The following PRKDC variants were observed in gnomAD, a reference collection of about 807,000 sequenced individuals.
PRKDC encodes the protein protein kinase, DNA-activated, catalytic subunit, also known as DNA-dependent protein kinase catalytic subunit.
PRKDC carries 82 observed loss-of-function variants against 486.9 expected under a neutral mutation model. The observed-to-expected ratio is 0.17, with a 90% CI of 0.14 to 0.20. The LOEUF (loss-of-function observed/expected upper bound fraction) is 0.20, where lower values mean the gene tolerates loss of function less well. Ranked by LOEUF, PRKDC falls within the 10% of genes least tolerant of loss-of-function variation. PRKDC has a pLI of 1.00. For missense variants in PRKDC, 4,504 were observed against 5,038.2 expected, an observed-to-expected ratio of 0.89 and a Z score of 3.21; for synonymous variants, 1,895 against 1,837.0, an observed-to-expected ratio of 1.03 and a Z score of -0.81.
chr8:47,849,223 C>G lies in PRKDC; in HGVS notation c.7211G>C (p.Arg2404Pro). The G allele has an allele frequency of 1.2e-6, 2 of 1,614,010 alleles. No individual in the cohort carries two copies. Among genetic ancestry groups the G allele is most frequent in the Non-Finnish European group, 1.7e-6 (2 of 1,179,904 alleles). Residue 2404 changes from arginine to proline, a missense_variant, in exon 54 of 86, where the codon CGT (arginine) becomes CCT (proline). By Grantham distance (103) the Arg-to-Pro change is moderately radical. Coordinates refer to ENST00000314191, the MANE Select transcript of PRKDC (RefSeq NM_006904.7). ...KTLCLEVVLCRVEGMTELYFQ... is the reference protein window; with the variant it reads ...KTLCLEVVLCPVEGMTELYFQ... ...GTACAGCTCTGTCATTCCCTCCACACGACAAAGTACCACCTCCAGACAGAG... is the reference window on the plus strand; with the variant it reads ...GTACAGCTCTGTCATTCCCTCCACAGGACAAAGTACCACCTCCAGACAGAG...
rs767962986 is a variant in PRKDC at position 47,887,677 on chromosome 8, G to A, written c.4442C>T (p.Thr1481Ile). ...QSTDLHHSVG[T>I]ELLSLVYKGI... ...TTTATAAACCAGGGAAAGAAGTTCT[G>A]TGCCAACAGAATGATGCAAATCTGT... The change falls in exon 35 of 86, where the codon ACA (threonine) becomes ATA (isoleucine). Residue 1481 changes from threonine to isoleucine, a missense_variant. Thr to Ile is a moderately conservative substitution (Grantham distance 89). Around this residue, in one of 6 missense-constraint regions of PRKDC, gnomAD observed 1,969 missense variants for 2,068.9 expected, o/e 0.95. Transcript: ENST00000314191. 3 of 1,610,396 alleles carry A rather than the reference G, an allele frequency of 1.9e-6. No homozygotes were observed. The South Asian group carries it at 3.3e-5, about 18-fold the overall frequency.
chr8:47,931,496 GT>G lies in PRKDC; in HGVS notation c.1777-710del, dbSNP rs546905091. Among the ~76,000 whole-genome samples, 584 of 144,012 alleles carry G rather than the reference GT, an allele frequency of 4.1e-3. 2 individuals are homozygous for G. The highest frequency in any genetic ancestry group is 0.011 in the Middle Eastern group (3 of 278). 94.5% of individuals were successfully genotyped at this position (144,012 alleles called of 152,430 possible). The stretch of plus-strand genomic sequence containing the variant: ...AGTTCCAGGAAGTCCCTTTGGGCAA[GT>G]TTTTTTTTTTTTTAATAAAATTATT... On this transcript the variant is annotated intron_variant, in intron 16 of 85. Transcript: ENST00000314191.
At chr8:47,852,631 C>A (rs865855604) in intron 52 of PRKDC, 42 bp downstream of exon 52, 2 of 1,251,030 alleles carry the variant, frequency 1.6e-6, no homozygotes, top group Middle Eastern at 2.0e-4. Flanking sequence ...CAAATCAAAA[C>A]AGAGTAAGAG....
Position 47,882,631 on chromosome 8 carries a change from C to T in PRKDC, c.4777-534G>A, listed in dbSNP as rs62542260. Among the ~76,000 whole-genome samples the T allele has an allele frequency of 6.0e-3, 909 of 152,262 alleles. 5 individuals are homozygous for T. Among genetic ancestry groups the T allele is most frequent in the African/African-American group, 0.012 (516 of 41,546 alleles). On this transcript the variant is annotated intron_variant, in intron 36 of 85. Coordinates refer to ENST00000314191, the MANE Select transcript of PRKDC (RefSeq NM_006904.7). Reference sequence around the variant, plus strand: ...ACAAGCAAACATGCACACACGCAAACGCACACTTCTTGTTCAACTACCATC... The same window carrying T: ...ACAAGCAAACATGCACACACGCAAATGCACACTTCTTGTTCAACTACCATC...
At chr8:47,786,399 G>A (rs746492922) in intron 76 of PRKDC, among the ~76,000 whole-genome samples, 7 of 152,106 alleles carry the variant, frequency 4.6e-5, no homozygotes, top group Non-Finnish European at 1.0e-4. Flanking sequence ...GCGACAGATC[G>A]AGACTCAGTC....
chr8:47,823,730 T>A (rs2154499113), intron 64 of PRKDC, 128 bp downstream of exon 64: 2 of 1,129,112 alleles, frequency 1.8e-6, no homozygotes, highest in East Asian at 2.4e-5. Flanking sequence ...TTCTTCCTCA[T>A]CAACATTGTA....
intron 27 of PRKDC, among the ~76,000 whole-genome samples, chr8:47,901,031 G>A (rs1393833799): frequency 1.3e-5 from 2 of 151,792 alleles, no homozygotes; most frequent in African/African-American, 2.4e-5. Context: ...GTGCACACCT[G>A]TGGTCCCAGC....
At chr8:47,897,786 A>T (rs1391624710) in intron 29 of PRKDC, among the ~76,000 whole-genome samples, 5 of 152,258 alleles carry the variant, frequency 3.3e-5, no homozygotes, top group Admixed American at 3.3e-4. Flanking sequence ...CTAAACTGAT[A>T]TCGTAAGTTA....
intron 64 of PRKDC, among the ~76,000 whole-genome samples, chr8:47,822,815 T>C (rs2087634343): frequency 6.6e-6 from 1 of 151,968 alleles, no homozygotes; most frequent in Admixed American, 6.6e-5. Context: ...AAACCTGGAC[T>C]GCTCATTGAA....
chr8:47,821,273 CTT>C (rs1157080050), intron 65 of PRKDC, among the ~76,000 whole-genome samples: 2 of 151,510 alleles, frequency 1.3e-5, no homozygotes, highest in Admixed American at 6.6e-5. Context: ...CGGAGAGCCT[CTT>C]GTCACAGGAG....
intron 68 of PRKDC, among the ~76,000 whole-genome samples, chr8:47,810,708 G>A (rs1207277027): frequency 1.3e-5 from 2 of 152,204 alleles, no homozygotes; most frequent in Admixed American, 6.5e-5. Flanking sequence ...GAAAAGGTGC[G>A]CATCTCAGTA....
chr8:47,896,205 A>T (rs1375975073), intron 30 of PRKDC, among the ~76,000 whole-genome samples: 1 of 151,874 alleles, frequency 6.6e-6, no homozygotes, highest in Non-Finnish European at 1.5e-5. Flanking sequence ...ATGTATTTAT[A>T]CATACTCTAT....
chr8:47,860,556 G>T (rs1400182814), intron 45 of PRKDC, among the ~76,000 whole-genome samples: 1 of 152,194 alleles, frequency 6.6e-6, no homozygotes, highest in Non-Finnish European at 1.5e-5. Flanking sequence ...TTCTAATGTA[G>T]ACTTCTGAAT....
rs8178191 is a variant in PRKDC at position 47,830,757 on chromosome 8, G to A, written c.8266-21C>T. ...ATTTCCTATAAGCACCAGAACCAAA[G>A]AAGAAGATGAGCATTCTCATTGAAG... On this transcript the variant is annotated intron_variant, in intron 60 of 85. Transcript: ENST00000314191. 1.0e-4 allele frequency: 169 copies of A among 1,613,580 alleles called. No homozygotes were observed. The East Asian group carries it at 3.3e-3, about 32-fold the overall frequency.
chr8:47,882,717 T>C (rs1362713322), intron 36 of PRKDC, among the ~76,000 whole-genome samples: 1 of 152,248 alleles, frequency 6.6e-6, no homozygotes, highest in Non-Finnish European at 1.5e-5. Context: ...GACAGGCTAA[T>C]TTTGGTCAGA....
intron 85 of PRKDC, among the ~76,000 whole-genome samples, chr8:47,775,165 T>C (rs950882541): frequency 2.0e-5 from 3 of 151,484 alleles, no homozygotes; most frequent in African/African-American, 7.3e-5. Context: ...CCAGCCTGGG[T>C]GACAGAGCAA....
At chr8:47,774,587 C>T (rs1252180916) in intron 85 of PRKDC, among the ~76,000 whole-genome samples, 1 of 152,166 alleles carries the variant, frequency 6.6e-6, no homozygotes, top group Non-Finnish European at 1.5e-5. Flanking sequence ...TATGCCTTCA[C>T]TTCTCCTGAG....
At position 47,849,233 on chromosome 8, in the gene PRKDC, C is replaced by T; in HGVS notation, c.7201G>A (p.Val2401Ile). The T allele has an allele frequency of 6.2e-7, 1 of 1,613,998 alleles. No homozygotes were observed. Among genetic ancestry groups the T allele is most frequent in the Admixed American group, 1.7e-5 (1 of 60,028 alleles). ...GTCATTCCCTCCACACGACAAAGTA[C>T]CACCTCCAGACAGAGTGTTTTCAAC... ...GVLKTLCLEV[V>I]LCRVEGMTEL... Residue 2401 changes from valine to isoleucine, a missense_variant, in exon 54 of 86, where the codon GTA (valine) becomes ATA (isoleucine). Coordinates refer to ENST00000314191, the MANE Select transcript of PRKDC (RefSeq NM_006904.7).
Position 47,825,504 on chromosome 8 carries a change from C to CAAAAAAAAAA in PRKDC, c.8783+1142_8783+1151dup, listed in dbSNP as rs397891351. On this transcript the variant is annotated intron_variant, in intron 63 of 85. Coordinates refer to ENST00000314191, the MANE Select transcript of PRKDC (RefSeq NM_006904.7). ...AACTGGCGACAGAGCAAGACTGTCT[C>CAAAAAAAAAA]AAAAAAAAAAAAAAAAAAAAAAAAA... 2.3e-3 allele frequency among the ~76,000 whole-genome samples: 24 copies of CAAAAAAAAAA among 10,254 alleles called. 2 individuals are homozygous for CAAAAAAAAAA. The highest frequency in any genetic ancestry group is 8.3e-3 in the African/African-American group (23 of 2,772). 6.7% of individuals were successfully genotyped at this position (10,254 alleles called of 152,430 possible).
Sources: gnomAD v4.1 joint callset for allele counts (sites outside exome capture counted in the v4.1 genomes callset) on GRCh38, gnomAD v4.1.1 for gene constraint, gnomAD v4.1.1 regional missense constraint, MANE v1.5 for transcripts, NCBI Gene and HGNC (gene_info 2026-07-23, HGNC 2026-07-21) for gene names.